The following IMMP2L variants were observed in gnomAD, a reference collection of about 807,000 sequenced individuals.
IMMP2L encodes mitochondrial inner membrane protease subunit 2.
A neutral mutation model predicts 19.3 loss-of-function variants in IMMP2L; 18 were observed. The observed-to-expected ratio is 0.93, with a 90% CI of 0.64 to 1.38. The LOEUF (loss-of-function observed/expected upper bound fraction) is 1.38, where lower values mean the gene tolerates loss of function less well. Ranked by LOEUF, IMMP2L falls within the 40% of genes most tolerant of loss-of-function variation. IMMP2L has a pLI of 0.00. For missense variants in IMMP2L, 233 were observed against 218.2 expected, an observed-to-expected ratio of 1.07 and a Z score of -0.43; for synonymous variants, 76 against 73.0, an observed-to-expected ratio of 1.04 and a Z score of -0.21.
chr7:110,961,944 G>A (rs1818993222), intron 4 of IMMP2L, among the ~76,000 whole-genome samples: 2 of 151,904 alleles, frequency 1.3e-5, no homozygotes, highest in Non-Finnish European at 2.9e-5. Context: ...GGACAAGAGA[G>A]AACTTTTGAA....
chr7:111,012,875 A>G (rs1421161758), intron 3 of IMMP2L, among the ~76,000 whole-genome samples: 3 of 152,222 alleles, frequency 2.0e-5, no homozygotes, highest in African/African-American at 7.2e-5. Flanking sequence ...TTAGAAAATA[A>G]CGAACATCCT....
At chr7:111,330,462 C>A (rs1825764711) in intron 3 of IMMP2L, among the ~76,000 whole-genome samples, 1 of 150,968 alleles carries the variant, frequency 6.6e-6, no homozygotes, top group Admixed American at 6.6e-5. Flanking sequence ...CAAACACAAA[C>A]AACCACAACT....
chr7:111,446,196 G>A (rs1365558746), intron 3 of IMMP2L, among the ~76,000 whole-genome samples: 1 of 152,178 alleles, frequency 6.6e-6, no homozygotes, highest in African/African-American at 2.4e-5. Context: ...AAACTGGGTG[G>A]AGCCCGCCAC....
At chr7:111,254,010 A>T (rs1816431267) in intron 3 of IMMP2L, among the ~76,000 whole-genome samples, 1 of 152,162 alleles carries the variant, frequency 6.6e-6, no homozygotes, top group African/African-American at 2.4e-5. Context: ...TATGGAAATT[A>T]TCTAACTCCA....
intron 3 of IMMP2L, among the ~76,000 whole-genome samples, chr7:111,367,678 T>C (rs532433455): frequency 1.3e-5 from 2 of 151,990 alleles, no homozygotes; most frequent in Admixed American, 6.6e-5. Flanking sequence ...AAAACAGAAA[T>C]AGAAAGGTTA....
At chr7:111,305,293 G>A (rs1214182339) in intron 3 of IMMP2L, among the ~76,000 whole-genome samples, 1 of 152,110 alleles carries the variant, frequency 6.6e-6, no homozygotes, top group Non-Finnish European at 1.5e-5. Context: ...GGGATCAGCT[G>A]GCTTCAGGGC....
intron 3 of IMMP2L, among the ~76,000 whole-genome samples, chr7:111,194,053 T>G (rs1809195506): frequency 6.6e-6 from 1 of 152,154 alleles, no homozygotes; most frequent in African/African-American, 2.4e-5. Context: ...TCTTCGGGAT[T>G]TGGCAGTGAT....
At chr7:111,556,950 T>A (rs373300875) in intron 1 of IMMP2L, among the ~76,000 whole-genome samples, 1 of 152,132 alleles carries the variant, frequency 6.6e-6, no homozygotes, top group South Asian at 2.1e-4. Flanking sequence ...AGGTCCAAAG[T>A]TGAACTCATT....
chr7:111,421,322 T>C (rs1293913038), intron 3 of IMMP2L, among the ~76,000 whole-genome samples: 1 of 142,462 alleles, frequency 7.0e-6, no homozygotes, highest in Non-Finnish European at 1.5e-5. Flanking sequence ...CAGGTGGGAG[T>C]GCAGTGGCGC....
At chr7:111,200,958 G>A (rs1314491386) in intron 3 of IMMP2L, among the ~76,000 whole-genome samples, 1 of 152,088 alleles carries the variant, frequency 6.6e-6, no homozygotes, top group Admixed American at 6.5e-5. Flanking sequence ...GTACTATAGT[G>A]AAAAACCAAA....
chr7:110,717,337 T>G (rs1295160402), intron 5 of IMMP2L, among the ~76,000 whole-genome samples: 1 of 151,996 alleles, frequency 6.6e-6, no homozygotes. Context: ...AATTAGCGGG[T>G]GTCTGTAGTC....
At chr7:111,020,193 G>C (rs1356000149) in intron 3 of IMMP2L, among the ~76,000 whole-genome samples, 1 of 151,764 alleles carries the variant, frequency 6.6e-6, no homozygotes, top group Non-Finnish European at 1.5e-5. Flanking sequence ...AGACCAGCCT[G>C]GACAACATAG....
Position 111,123,431 on chromosome 7 carries a change from C to G in IMMP2L, c.240-159866G>C. On this transcript the variant is annotated intron_variant, in intron 3 of 5. Transcript: ENST00000405709. This position sits in a 1 kb window ranked among gnomAD's most constrained non-coding sequence, Gnocchi z 6.4. ...ATCAATCTTCGCAGCCTGGTTATAG[C>G]TGGTATAAACCTCACAGAAATACCA... The G allele has an allele frequency of 1.2e-6, 2 of 1,613,418 alleles. No individual in the cohort carries two copies.
At chr7:110,957,886 T>C (rs1272197354) in intron 4 of IMMP2L, among the ~76,000 whole-genome samples, 1 of 152,006 alleles carries the variant, frequency 6.6e-6, no homozygotes, top group African/African-American at 2.4e-5. Flanking sequence ...TTGTTTTTCT[T>C]CATAGCACTT....
At chr7:111,323,629 T>A (rs1404045257) in intron 3 of IMMP2L, among the ~76,000 whole-genome samples, 1 of 152,092 alleles carries the variant, frequency 6.6e-6, no homozygotes, top group East Asian at 1.9e-4. Flanking sequence ...CACCCAGCCA[T>A]CCCATTACTG....
At chr7:111,341,967 A>G (rs934769171) in intron 3 of IMMP2L, among the ~76,000 whole-genome samples, 1 of 152,104 alleles carries the variant, frequency 6.6e-6, no homozygotes, top group Non-Finnish European at 1.5e-5. Context: ...CAGCTGCTCA[A>G]TCTTAGACTT....
At chr7:111,501,616 G>A (rs2132445209) in intron 2 of IMMP2L, among the ~76,000 whole-genome samples, 1 of 152,318 alleles carries the variant, frequency 6.6e-6, no homozygotes, top group South Asian at 2.1e-4. Flanking sequence ...CAGACAAACA[G>A]CGGATCTCTC....
intron 4 of IMMP2L, among the ~76,000 whole-genome samples, chr7:110,944,696 T>C (rs1817077232): frequency 6.6e-6 from 1 of 151,946 alleles, no homozygotes; most frequent in Non-Finnish European, 1.5e-5. Context: ...GAAAAATGAC[T>C]GGGATGGAAG....
intron 3 of IMMP2L, among the ~76,000 whole-genome samples, chr7:111,420,172 A>G (rs1373382288): frequency 6.6e-6 from 1 of 151,852 alleles, no homozygotes; most frequent in Non-Finnish European, 1.5e-5. Flanking sequence ...TCTGAGATTC[A>G]GCCTGAATTG....
Sources: gnomAD v4.1 joint callset for allele counts (sites outside exome capture counted in the v4.1 genomes callset) on GRCh38, gnomAD v4.1.1 for gene constraint, Gnocchi (gnomAD v3.1) non-coding constraint, MANE v1.5 for transcripts, NCBI Gene and HGNC (gene_info 2026-07-23, HGNC 2026-07-21) for gene names.